FOXK1: variants seen among roughly 807,000 people sequenced by gnomAD.
FOXK1 encodes the protein forkhead box protein K1.
Under a neutral mutation model 51.9 loss-of-function variants are expected in FOXK1, and 19 were observed. The ratio of observed to expected loss-of-function variants is 0.37; its 90% confidence interval spans 0.26 to 0.54. FOXK1 has a LOEUF of 0.54. Ranked by LOEUF, FOXK1 falls within the 20% of genes least tolerant of loss-of-function variation. The pLI, the probability that FOXK1 is intolerant of heterozygous loss-of-function variation, is 0.87. For synonymous variants in FOXK1, 537 were observed against 482.6 expected, an observed-to-expected ratio of 1.11 and a Z score of -1.48; for missense variants, 870 against 1,032.7, an observed-to-expected ratio of 0.84 and a Z score of 2.16.
Position 4,682,978 on chromosome 7 carries a change from AC to A in FOXK1, c.560+116del. 1.0e-5 allele frequency: 10 copies of A among 974,938 alleles called. No individual in the cohort carries two copies. Among genetic ancestry groups the A allele is most frequent in the Admixed American group, 6.0e-5 (1 of 16,580 alleles). 60.4% of individuals were successfully genotyped at this position (974,938 alleles called of 1,614,324 possible). A position where few individuals can be genotyped will look rare whatever the true frequency, so the allele number is the denominator to read the frequency against. ...TCCAGCTTCCTCGGCCTCGACCCCCACCCCCCGGCCCACCCCCGGTAACCCC... is the reference window on the plus strand; with the variant it reads ...TCCAGCTTCCTCGGCCTCGACCCCCACCCCCGGCCCACCCCCGGTAACCCC... On this transcript the variant is annotated intron_variant, in intron 1 of 8. Coordinates refer to ENST00000328914, the MANE Select transcript of FOXK1 (RefSeq NM_001037165.2). This position sits in a 1 kb window ranked among gnomAD's most constrained non-coding sequence, Gnocchi z 7.6.
chr7:4,715,000 A>G (rs977752392), intron 1 of FOXK1, among the ~76,000 whole-genome samples: 1 of 152,156 alleles, frequency 6.6e-6, no homozygotes, highest in African/African-American at 2.4e-5. Flanking sequence ...TTCTTGGTAC[A>G]GAACAGAAGC....
At chr7:4,718,051 G>A (rs935812918) in intron 1 of FOXK1, among the ~76,000 whole-genome samples, 1 of 152,142 alleles carries the variant, frequency 6.6e-6, no homozygotes. Context: ...TGCCTCTGGG[G>A]GCCCTGTTGC....
At chr7:4,742,819 G>A (rs1350143555) in intron 2 of FOXK1, among the ~76,000 whole-genome samples, 4 of 152,194 alleles carry the variant, frequency 2.6e-5, no homozygotes, top group South Asian at 2.1e-4. Context: ...CTGCTTTGCC[G>A]ACAAGTTACC....
At chr7:4,726,526 G>A (rs1434032017) in intron 1 of FOXK1, among the ~76,000 whole-genome samples, 4 of 152,150 alleles carry the variant, frequency 2.6e-5, no homozygotes, top group Admixed American at 1.3e-4. Flanking sequence ...GGAGGCTGAG[G>A]CAGGAGAATC....
rs757144585 is a variant in FOXK1 at position 4,766,862 on chromosome 7, C to G, written c.*4398C>G. On this transcript the variant is annotated 3_prime_UTR_variant, in exon 9 of 9. Coordinates refer to ENST00000328914, the MANE Select transcript of FOXK1 (RefSeq NM_001037165.2). The surrounding 1 kb of genome is among the most constrained non-coding windows in gnomAD (Gnocchi z 5.5). ...CTCTCCAGAAAGCCCCGGGTGAGGGCTCCGTCTTGAGAGAGAGAGAAATCC... is the reference window on the plus strand; with the variant it reads ...CTCTCCAGAAAGCCCCGGGTGAGGGGTCCGTCTTGAGAGAGAGAGAAATCC... 6.6e-6 allele frequency: 1 copy of G among 152,072 alleles called. No homozygotes were observed. The highest frequency in any genetic ancestry group is 1.5e-5 in the Non-Finnish European group (1 of 68,050). 9.4% of individuals were successfully genotyped at this position (152,072 alleles called of 1,614,324 possible).
intron 1 of FOXK1, among the ~76,000 whole-genome samples, chr7:4,725,410 A>G (rs1246829977): frequency 6.6e-6 from 1 of 152,198 alleles, no homozygotes; most frequent in Non-Finnish European, 1.5e-5. Context: ...GCTGTTGCCC[A>G]AAGTGAAACC....
intron 1 of FOXK1, among the ~76,000 whole-genome samples, chr7:4,697,058 G>A (rs1312085557): frequency 2.6e-5 from 4 of 152,126 alleles, no homozygotes; most frequent in African/African-American, 4.8e-5. Context: ...GCGACAGAGC[G>A]AGACTGTCTC....
Position 4,756,654 on chromosome 7 carries a change from A to G in FOXK1, c.1051-340A>G, listed in dbSNP as rs1211028768. 2.0e-5 allele frequency among the ~76,000 whole-genome samples: 3 copies of G among 151,802 alleles called. No homozygotes were observed. The highest frequency in any genetic ancestry group is 4.4e-5 in the Non-Finnish European group (3 of 67,942). ...GTGGCCCACGCCCATAGTCCCAGCTAGTCAGGAGGCTGAGGCAGGAGAATC... is the reference window on the plus strand; with the variant it reads ...GTGGCCCACGCCCATAGTCCCAGCTGGTCAGGAGGCTGAGGCAGGAGAATC... On this transcript the variant is annotated intron_variant, in intron 4 of 8. Transcript: ENST00000328914. The surrounding 1 kb of genome is among the most constrained non-coding windows in gnomAD (Gnocchi z 4.1).
In FOXK1 at chr7:4,759,153, C is replaced by T. The variant is rs767542010; in HGVS notation, c.1347C>T (p.His449=). 1 of 1,612,812 alleles carries T rather than the reference C, an allele frequency of 6.2e-7. No individual in the cohort carries two copies. The highest frequency in any genetic ancestry group is 8.5e-7 in the Non-Finnish European group (1 of 1,179,898). ...CTCGGGAGGGCTCCCCCATTCCACA[C>T]GACCCTGAGTTTGGGTCCAAGTTAG... The part of the protein sequence containing the change: ...CLSREGSPIP[H]DPEFGSKLAS... Residue 449 remains histidine, a synonymous_variant, in exon 6 of 9, where the codon CAC becomes CAT. Coordinates refer to ENST00000328914, the MANE Select transcript of FOXK1 (RefSeq NM_001037165.2).
rs967481616 is a variant in FOXK1 at position 4,709,688 on chromosome 7, G to A, written c.560+26820G>A. 2.0e-5 allele frequency among the ~76,000 whole-genome samples: 3 copies of A among 152,190 alleles called. No homozygotes were observed. Among genetic ancestry groups the A allele is most frequent in the African/African-American group, 7.2e-5 (3 of 41,454 alleles). On this transcript the variant is annotated intron_variant, in intron 1 of 8. Transcript: ENST00000328914. The surrounding 1 kb of genome is among the most constrained non-coding windows in gnomAD (Gnocchi z 5.6). ...AAGCGTAATTCACATGATACAAAAC[G>A]TCAAATTGCGTTTTACGCCATTGGT...
At position 4,730,900 on chromosome 7, in the gene FOXK1, C is replaced by T. The variant is rs186375711; in HGVS notation, c.561-9938C>T. ...CATTTCCTGAGGATGGGCGCGGTGG[C>T]TCACTCCTGCAATCCCAGCACTTTG... On this transcript the variant is annotated intron_variant, in intron 1 of 8. Transcript: ENST00000328914. This position sits in a 1 kb window ranked among gnomAD's most constrained non-coding sequence, Gnocchi z 4.7. Among the ~76,000 whole-genome samples the T allele has an allele frequency of 5.9e-4, 90 of 152,290 alleles. No homozygotes were observed. The highest frequency in any genetic ancestry group is 2.1e-3 in the African/African-American group (87 of 41,554).
Position 4,697,737 on chromosome 7 carries a change from T to C in FOXK1, c.560+14869T>C, listed in dbSNP as rs930031302. On this transcript the variant is annotated intron_variant, in intron 1 of 8. Transcript: ENST00000328914. ...GGTTAGTGTTTACATACAGGAAAGA[T>C]AGGCTGTGTGTGTGTGTGTGTGTGT... is the stretch of plus-strand genomic sequence containing the variant. 2.5e-4 allele frequency among the ~76,000 whole-genome samples: 34 copies of C among 133,596 alleles called. No homozygotes were observed. The Admixed American group carries it at 2.6e-3, about 10-fold the overall frequency. The allele number at this position is 133,596 out of a possible 152,430, so 87.6% of individuals were successfully genotyped here.
Position 4,723,796 on chromosome 7 carries a change from T to C in FOXK1, c.561-17042T>C, listed in dbSNP as rs982549385. 1.3e-5 allele frequency among the ~76,000 whole-genome samples: 2 copies of C among 151,988 alleles called. No individual in the cohort carries two copies. Among genetic ancestry groups the C allele is most frequent in the African/African-American group, 2.4e-5 (1 of 41,396 alleles). ...AATCCTCCCGCCTCAGCCTCCCAAA[T>C]AGCTGAGACTACCAGTGTGCACCAC... On this transcript the variant is annotated intron_variant, in intron 1 of 8. Transcript: ENST00000328914. The surrounding 1 kb of genome is among the most constrained non-coding windows in gnomAD (Gnocchi z 4.7).
rs1416811252 is a variant in FOXK1 at position 4,682,511 on chromosome 7, C to CGGGCTCCTCCGG, written c.218_229dup (p.Gly73_Gly76dup). 26 of 1,063,476 alleles carry CGGGCTCCTCCGG rather than the reference C, an allele frequency of 2.4e-5. No individual in the cohort carries two copies. The highest frequency in any genetic ancestry group is 6.8e-5 in the East Asian group (1 of 14,694). 65.9% of individuals were successfully genotyped at this position (1,063,476 alleles called of 1,614,324 possible). Reference sequence around the variant, plus strand: ...CTGCCTCCGGGCGCGATCGCGGGCGCGGGCTCCTCCGGGGGCTCCTCCGGG... The same window carrying CGGGCTCCTCCGG: ...CTGCCTCCGGGCGCGATCGCGGGCGCGGGCTCCTCCGGGGGCTCCTCCGGGGGCTCCTCCGGG... On this transcript the variant is annotated inframe_insertion, in exon 1 of 9. Transcript: ENST00000328914. This position sits in a 1 kb window ranked among gnomAD's most constrained non-coding sequence, Gnocchi z 7.6.
intron 1 of FOXK1, among the ~76,000 whole-genome samples, chr7:4,725,460 G>T (rs148660806): frequency 0.011 from 1,722 of 152,340 alleles, 30 homozygotes; most frequent in African/African-American, 0.04. Context: ...CAGCCAGGGG[G>T]ACACGGCCTC....
chr7:4,740,282 T>A (rs1780615538), intron 1 of FOXK1, among the ~76,000 whole-genome samples: 1 of 151,834 alleles, frequency 6.6e-6, no homozygotes, highest in African/African-American at 2.4e-5. Flanking sequence ...TATAAAAAAT[T>A]AGCCGGGCGT....
rs1375160826 is a variant in FOXK1, at chr7:4,707,925, C to T, written c.560+25057C>T. 6.6e-6 allele frequency among the ~76,000 whole-genome samples: 1 copy of T among 152,104 alleles called. No homozygotes were observed. The highest frequency in any genetic ancestry group is 1.5e-5 in the Non-Finnish European group (1 of 68,016). On this transcript the variant is annotated intron_variant, in intron 1 of 8. Transcript: ENST00000328914. This position sits in a 1 kb window ranked among gnomAD's most constrained non-coding sequence, Gnocchi z 4.1. The stretch of plus-strand genomic sequence containing the variant: ...TCACGAACTCCTGCCCCAAGTGATC[C>T]ACCCTCCTCAGCCTCCCAAAGTGCT...
intron 1 of FOXK1, among the ~76,000 whole-genome samples, chr7:4,693,133 ACAT>A (rs1475985451): frequency 6.6e-6 from 1 of 152,154 alleles, no homozygotes; most frequent in East Asian, 1.9e-4. Flanking sequence ...TGATTTTGTA[ACAT>A]CATACATTGG....
At chr7:4,732,826 CGG>C (rs1476354099) in intron 1 of FOXK1, among the ~76,000 whole-genome samples, 2 of 152,208 alleles carry the variant, frequency 1.3e-5, no homozygotes, top group Non-Finnish European at 2.9e-5. Flanking sequence ...TCCGGAGCCG[CGG>C]GTCTGCGCTG....
Sources: gnomAD v4.1 joint callset for allele counts (sites outside exome capture counted in the v4.1 genomes callset) on GRCh38, gnomAD v4.1.1 for gene constraint, Gnocchi (gnomAD v3.1) non-coding constraint, MANE v1.5 for transcripts, NCBI Gene and HGNC (gene_info 2026-07-23, HGNC 2026-07-21) for gene names.